The following ADGRL3 variants were observed in gnomAD, a reference collection of about 807,000 sequenced individuals.
ADGRL3 encodes the protein calcium-independent alpha-latrotoxin receptor 3.
In ADGRL3, 62 loss-of-function variants were observed where a neutral mutation model predicts 153.5. That is an observed-to-expected ratio of 0.40 (90% CI 0.33 to 0.50). ADGRL3 has a LOEUF of 0.50. Among genes scored for constraint, ADGRL3 ranks in the 20% least tolerant of loss-of-function variants. ADGRL3 has a pLI of 0.47. For missense variants in ADGRL3, 1,641 were observed against 1,859.4 expected, an observed-to-expected ratio of 0.88 and a Z score of 2.16; for synonymous variants, 710 against 672.5, an observed-to-expected ratio of 1.06 and a Z score of -0.86.
chr4:61,581,859 C>A lies in ADGRL3; in HGVS notation c.260-5368C>A, dbSNP rs543544519. On this transcript the variant is annotated intron_variant, in intron 4 of 26. Coordinates refer to ENST00000683033, the MANE Select transcript of ADGRL3 (RefSeq NM_001387552.1). Reference sequence around the variant, plus strand: ...AATCATGTAATTTTTTGTTCCTAAACGTTGTTCAAATACATTCTTTATCAT... The same window carrying A: ...AATCATGTAATTTTTTGTTCCTAAAAGTTGTTCAAATACATTCTTTATCAT... 8.8e-4 allele frequency among the ~76,000 whole-genome samples: 134 copies of A among 152,120 alleles called. 1 individual carries two copies. In the Middle Eastern group the frequency reaches 0.041, roughly 46 times the overall value.
chr4:61,779,459 C>G (rs1490263286), intron 8 of ADGRL3, among the ~76,000 whole-genome samples: 4 of 151,084 alleles, frequency 2.6e-5, no homozygotes, highest in African/African-American at 9.7e-5. Flanking sequence ...ATGGTGAAAC[C>G]CTGTTCTCTA....
At chr4:61,593,076 G>C (rs1324517557) in intron 5 of ADGRL3, among the ~76,000 whole-genome samples, 1 of 152,120 alleles carries the variant, frequency 6.6e-6, no homozygotes, top group Non-Finnish European at 1.5e-5. Flanking sequence ...TTAAACCGAT[G>C]ACAACTTAAC....
At chr4:61,273,839 A>G (rs2093327463) in intron 1 of ADGRL3, among the ~76,000 whole-genome samples, 1 of 152,080 alleles carries the variant, frequency 6.6e-6, no homozygotes, top group African/African-American at 2.4e-5. Context: ...ATATATTTTA[A>G]TATTTATTTT....
intron 8 of ADGRL3, among the ~76,000 whole-genome samples, chr4:61,779,094 A>C (rs540515871): frequency 1.6e-4 from 25 of 152,130 alleles, no homozygotes; most frequent in African/African-American, 5.8e-4. Flanking sequence ...GAAATATTAG[A>C]ATGTTTTACT....
rs1180015460 is a variant in ADGRL3, at chr4:61,233,157, AATAAC to A, written c.-240+31395_-240+31399del. Among the ~76,000 whole-genome samples the A allele has an allele frequency of 2.0e-5, 3 of 152,200 alleles. No individual in the cohort carries two copies. The East Asian group carries it at 5.8e-4, about 29-fold the overall frequency. ...AATGTAGTATTACCCTAGTAATAAT[AATAAC>A]ATCATCTAATATCATTTAAGGTATT... On this transcript the variant is annotated intron_variant, in intron 1 of 26. Transcript: ENST00000683033.
chr4:61,535,547 G>A (rs141675335), intron 4 of ADGRL3, among the ~76,000 whole-genome samples: 4 of 152,074 alleles, frequency 2.6e-5, no homozygotes, highest in African/African-American at 9.6e-5. Context: ...TAGAATTCAG[G>A]TGTGAATCCA....
intron 1 of ADGRL3, among the ~76,000 whole-genome samples, chr4:61,219,982 C>T (rs1744663052): frequency 6.6e-6 from 1 of 151,902 alleles, no homozygotes; most frequent in African/African-American, 2.4e-5. Flanking sequence ...GTGGCGGGCG[C>T]CTGTAACCAC....
intron 8 of ADGRL3, among the ~76,000 whole-genome samples, chr4:61,788,152 A>G (rs1364360820): frequency 2.0e-5 from 3 of 152,182 alleles, no homozygotes; most frequent in Non-Finnish European, 4.4e-5. Flanking sequence ...AACAACAGCT[A>G]ACTCTACCGC....
At chr4:61,545,365 C>A (rs767543866) in intron 4 of ADGRL3, among the ~76,000 whole-genome samples, 12 of 152,136 alleles carry the variant, frequency 7.9e-5, no homozygotes, top group Non-Finnish European at 1.8e-4. Context: ...GCTCAGGATC[C>A]ACCCAGAGCT....
At chr4:61,236,976 A>G (rs1753098352) in intron 1 of ADGRL3, among the ~76,000 whole-genome samples, 1 of 152,188 alleles carries the variant, frequency 6.6e-6, no homozygotes, top group South Asian at 2.1e-4. Flanking sequence ...TGCTCTGCAT[A>G]TGAATTCACG....
intron 4 of ADGRL3, among the ~76,000 whole-genome samples, chr4:61,576,810 A>G (rs1302691311): frequency 2.0e-5 from 3 of 151,694 alleles, no homozygotes. Context: ...CAATGTGAAA[A>G]TACAAATTTG....
chr4:62,060,799 A>G (rs1739686321), intron 25 of ADGRL3, among the ~76,000 whole-genome samples: 1 of 151,918 alleles, frequency 6.6e-6, no homozygotes, highest in African/African-American at 2.4e-5. Flanking sequence ...TCATTAATGG[A>G]AAATAATACC....
chr4:61,758,120 G>A (rs1038736621), intron 8 of ADGRL3, among the ~76,000 whole-genome samples: 1 of 152,306 alleles, frequency 6.6e-6, no homozygotes, highest in East Asian at 1.9e-4. Flanking sequence ...GGAGAGTTCT[G>A]TAGATGTCTA....
At chr4:61,441,789 T>TCTTTCTAGTATCTAGTATCTAGTATCTA (rs2097531495) in intron 2 of ADGRL3, among the ~76,000 whole-genome samples, 1 of 152,200 alleles carries the variant, frequency 6.6e-6, no homozygotes, top group Admixed American at 6.5e-5. Context: ...CTGATTTGAT[T>TCTTTCTAGTATCTAGTATCTAGTATCTA]GAATATGCTT....
rs1560623140 is a variant in ADGRL3, at chr4:61,432,626, CTTTCTTTCTTTCTTTCTTTCTTTCTTTCT to C, written c.-174+49441_-174+49469del. On this transcript the variant is annotated intron_variant, in intron 2 of 26. Coordinates refer to ENST00000683033, the MANE Select transcript of ADGRL3 (RefSeq NM_001387552.1). Reference sequence around the variant, plus strand: ...TCTTTCTTTCTTTCTTTCTTTCTTTCTTTCTTTCTTTCTTTCTTTCTTTCTTTCTTTTTTTTTTTTTTTTGAGACAGAAT... The same window carrying C: ...TCTTTCTTTCTTTCTTTCTTTCTTTCTTTTTTTTTTTTTTTGAGACAGAAT... 2.5e-3 allele frequency among the ~76,000 whole-genome samples: 158 copies of C among 62,796 alleles called. 17 individuals carry two copies. The highest frequency in any genetic ancestry group is 8.1e-3 in the African/African-American group (130 of 16,018). The allele number at this position is 62,796 out of a possible 152,430, so 41.2% of individuals were successfully genotyped here.
intron 6 of ADGRL3, among the ~76,000 whole-genome samples, chr4:61,686,707 C>T (rs550610979): frequency 4.6e-5 from 7 of 152,116 alleles, no homozygotes; most frequent in South Asian, 2.1e-4. Flanking sequence ...CTATAGTCAC[C>T]GTCCTGTGCA....
intron 1 of ADGRL3, among the ~76,000 whole-genome samples, chr4:61,212,655 TA>T (rs1740651170): frequency 6.6e-6 from 1 of 152,182 alleles, no homozygotes; most frequent in South Asian, 2.1e-4. Context: ...AAAAGAAAGT[TA>T]TGTTGAGTTT....
chr4:61,583,192 G>A (rs1051615248), intron 4 of ADGRL3, among the ~76,000 whole-genome samples: 1 of 151,894 alleles, frequency 6.6e-6, no homozygotes, highest in Non-Finnish European at 1.5e-5. Context: ...CTAGTTAATA[G>A]CCTAGGGTTA....
chr4:61,507,900 T>C (rs1181909483), intron 3 of ADGRL3, among the ~76,000 whole-genome samples: 1 of 152,170 alleles, frequency 6.6e-6, no homozygotes, highest in Non-Finnish European at 1.5e-5. Context: ...CTCATTACTA[T>C]AGTTGTAAAG....
Sources: gnomAD v4.1 joint callset for allele counts (sites outside exome capture counted in the v4.1 genomes callset) on GRCh38, gnomAD v4.1.1 for gene constraint, MANE v1.5 for transcripts, NCBI Gene and HGNC (gene_info 2026-07-23, HGNC 2026-07-21) for gene names.